UTRN: variants seen among roughly 807,000 people sequenced by gnomAD.
The protein encoded by UTRN is dystrophin-related protein 1.
Under a neutral mutation model 463.9 loss-of-function variants are expected in UTRN, and 283 were observed. The ratio of observed to expected loss-of-function variants is 0.61; its 90% confidence interval spans 0.55 to 0.67. The LOEUF is 0.67. UTRN is among the 30% of genes least tolerant of loss of function. The pLI is 0.00. For missense variants in UTRN, 3,922 were observed against 4,084.3 expected (o/e 0.96, Z 1.08); for synonymous variants, 1,442 against 1,431.5 (o/e 1.01, Z -0.17).
intron 35 of UTRN, among the ~76,000 whole-genome samples, 188 bp from the exon 36 acceptor site, chr6:144,513,721 G>A (rs1186068921): frequency 6.6e-6 from 1 of 152,104 alleles, no homozygotes; most frequent in Admixed American, 6.6e-5. Context: ...AAAGTGTTAA[G>A]CACCATAGAT....
intron 2 of UTRN, among the ~76,000 whole-genome samples, chr6:144,306,901 CAAA>C (rs773320680): frequency 7.5e-6 from 1 of 132,660 alleles, no homozygotes; most frequent in Admixed American, 7.6e-5. Flanking sequence ...ACTAAAAATA[CAAA>C]AAAAAAAAAA....
At chr6:144,534,421 C>T (rs113398420) in intron 43 of UTRN, among the ~76,000 whole-genome samples, 41 of 152,242 alleles carry the variant, frequency 2.7e-4, no homozygotes, top group African/African-American at 9.4e-4. Flanking sequence ...TTATGCTGTA[C>T]GAACTTGGAA....
chr6:144,548,860 T>C lies in UTRN; in HGVS notation c.6810+6T>C. 1 of 1,613,402 alleles carries C rather than the reference T, an allele frequency of 6.2e-7. No individual in the cohort carries two copies. Among genetic ancestry groups the C allele is most frequent in the Non-Finnish European group, 8.5e-7 (1 of 1,179,716 alleles). The stretch of plus-strand genomic sequence containing the variant: ...AGACCGTTTCCCGAATGAAAGTAGG[T>C]GCATAGTGTAAAAGCTTGTCATGGA... On this transcript the variant is annotated splice_donor_region_variant and intron_variant, in intron 47 of 74. Coordinates refer to ENST00000367545, the MANE Select transcript of UTRN (RefSeq NM_007124.3).
intron 2 of UTRN, among the ~76,000 whole-genome samples, chr6:144,337,044 A>G (rs2114619606): frequency 6.6e-6 from 1 of 152,224 alleles, no homozygotes; most frequent in Non-Finnish European, 1.5e-5. Context: ...GGCCTCACCC[A>G]CTGGGTTCCA....
chr6:144,790,967 C>T (rs1422658893), intron 62 of UTRN, among the ~76,000 whole-genome samples: 2 of 152,164 alleles, frequency 1.3e-5, no homozygotes, highest in Non-Finnish European at 2.9e-5. Flanking sequence ...AAGCAGAAGG[C>T]TCTGCCGTGA....
At chr6:144,519,235 A>T (rs1486038129) in intron 39 of UTRN, among the ~76,000 whole-genome samples, 1 of 152,090 alleles carries the variant, frequency 6.6e-6, no homozygotes, top group African/African-American at 2.4e-5. Flanking sequence ...TATCTTTAAG[A>T]TATAACCATT....
chr6:144,362,204 C>A (rs1344788362), intron 2 of UTRN, among the ~76,000 whole-genome samples: 1 of 152,090 alleles, frequency 6.6e-6, no homozygotes, highest in Non-Finnish European at 1.5e-5. Flanking sequence ...GCATTCCATG[C>A]CAGGGTAGAA....
intron 53 of UTRN, among the ~76,000 whole-genome samples, chr6:144,722,391 C>T (rs769699400): frequency 2.6e-5 from 4 of 152,012 alleles, no homozygotes; most frequent in Admixed American, 2.0e-4. Context: ...TACCAACCCT[C>T]ATCTTCAACC....
intron 53 of UTRN, among the ~76,000 whole-genome samples, chr6:144,727,544 G>A (rs1788007435): frequency 6.6e-6 from 1 of 151,932 alleles, no homozygotes; most frequent in Non-Finnish European, 1.5e-5. Context: ...GGATCACAAG[G>A]TCAGGAGATC....
intron 19 of UTRN, among the ~76,000 whole-genome samples, chr6:144,456,653 A>AAATAATAAT (rs57694055): frequency 0.017 from 2,339 of 140,562 alleles, 31 homozygotes; most frequent in African/African-American, 0.041. Flanking sequence ...CTCTGTCTCA[A>AAATAATAAT]AATAATAATA....
At chr6:144,588,552 C>G (rs1802697769) in intron 51 of UTRN, among the ~76,000 whole-genome samples, 1 of 152,096 alleles carries the variant, frequency 6.6e-6, no homozygotes, top group African/African-American at 2.4e-5. Flanking sequence ...GAAGGTCCTT[C>G]TGAGATGGAG....
At position 144,458,290 on chromosome 6, in the gene UTRN, G is replaced by A. The variant is rs115828681; in HGVS notation, c.2285-480G>A. Among the ~76,000 whole-genome samples the A allele has an allele frequency of 1.9e-3, 293 of 152,190 alleles. 2 individuals are homozygous for A. The highest frequency in any genetic ancestry group is 6.5e-3 in the African/African-American group (268 of 41,528). ...TTGCTTCCCAGCATAAGGCATCCTC[G>A]CCATTCATTTTTTAATTTATATGAC... On this transcript the variant is annotated intron_variant, in intron 19 of 74. Coordinates refer to ENST00000367545, the MANE Select transcript of UTRN (RefSeq NM_007124.3).
intron 52 of UTRN, among the ~76,000 whole-genome samples, chr6:144,682,464 G>A (rs1782298994): frequency 1.3e-5 from 2 of 152,168 alleles, no homozygotes; most frequent in African/African-American, 4.8e-5. Flanking sequence ...ATATTTCTGC[G>A]ATATACTGAT....
At position 144,593,605 on chromosome 6, in the gene UTRN, T is replaced by A. The variant is rs115843861; in HGVS notation, c.7479+16317T>A. 3.6e-3 allele frequency among the ~76,000 whole-genome samples: 551 copies of A among 152,286 alleles called. 1 individual carries two copies. The highest frequency in any genetic ancestry group is 0.013 in the African/African-American group (534 of 41,556). ...GGCATGGAGAGATGGGGTTTTCCTT[T>A]TGGCCCAATTCCAAGAACTCAGCCA... On this transcript the variant is annotated intron_variant, in intron 51 of 74. Transcript: ENST00000367545.
At chr6:144,686,653 G>GTC (rs1397729666) in intron 52 of UTRN, among the ~76,000 whole-genome samples, 1 of 151,284 alleles carries the variant, frequency 6.6e-6, no homozygotes, top group African/African-American at 2.4e-5. Flanking sequence ...GACCTTCTTT[G>GTC]TCTTTTTTTT....
rs1793486101 is a variant in UTRN, at chr6:144,767,480, C to G, written c.8496-4427C>G. Among the ~76,000 whole-genome samples, 4 of 152,158 alleles carry G rather than the reference C, an allele frequency of 2.6e-5. 1 individual carries two copies. The South Asian group carries it at 8.3e-4, about 32-fold the overall frequency. On this transcript the variant is annotated intron_variant, in intron 58 of 74. Coordinates refer to ENST00000367545, the MANE Select transcript of UTRN (RefSeq NM_007124.3). ...ATCAAGAGCTTAGCTTAAAATGAGA[C>G]TATCTCTGTTTAAATCCCATTTCTA...
intron 53 of UTRN, among the ~76,000 whole-genome samples, chr6:144,725,762 A>G (rs1389805615): frequency 2.0e-5 from 3 of 152,244 alleles, no homozygotes; most frequent in African/African-American, 2.4e-5. Flanking sequence ...TCTATTTCTG[A>G]CATACAATTA....
rs963047501 is a variant in UTRN, at chr6:144,539,993, C to T, written c.6519+550C>T. Among the ~76,000 whole-genome samples the T allele has an allele frequency of 2.0e-5, 3 of 148,220 alleles. No individual in the cohort carries two copies. The South Asian group carries it at 6.4e-4, about 32-fold the overall frequency. ...GGGAGGTGGAGGTTGCAGTGAGCTG[C>T]AGTCACACCACTGGACCCCAGCCTG... is the stretch of plus-strand genomic sequence containing the variant. On this transcript the variant is annotated intron_variant, in intron 45 of 74. Coordinates refer to ENST00000367545, the MANE Select transcript of UTRN (RefSeq NM_007124.3).
Position 144,458,912 on chromosome 6 carries a change from G to A in UTRN, c.2427G>A (p.Glu809=). ...DINAYFKQLD[E]LEKVIKTKEE... is the part of the protein sequence containing the mutation. ...ATGCTTATTTCAAGCAGCTTGATGAGCTTGAAAAGGTCATCAAGACAAAGG... is the reference window on the plus strand; with the variant it reads ...ATGCTTATTTCAAGCAGCTTGATGAACTTGAAAAGGTCATCAAGACAAAGG... The change falls in exon 20 of 75, where the codon GAG becomes GAA. Residue 809 remains glutamate, a synonymous_variant. Coordinates refer to ENST00000367545, the MANE Select transcript of UTRN (RefSeq NM_007124.3). 1.2e-6 allele frequency: 2 copies of A among 1,613,880 alleles called. No homozygotes were observed. Among genetic ancestry groups the A allele is most frequent in the African/African-American group, 2.7e-5 (2 of 75,016 alleles).
Sources: allele counts gnomAD v4.1 joint callset (sites outside exome capture counted in the v4.1 genomes callset), GRCh38; gene constraint gnomAD v4.1.1; transcripts MANE v1.5; gene names NCBI Gene and HGNC (gene_info 2026-07-23, HGNC 2026-07-21).